The following EPB41L5 variants were observed in gnomAD, a reference collection of about 807,000 sequenced individuals.
EPB41L5 encodes the protein erythrocyte membrane protein band 4.1 like 5.
A neutral mutation model predicts 106.6 loss-of-function variants in EPB41L5; 55 were observed. That is an observed-to-expected ratio of 0.52 (90% confidence interval 0.42 to 0.65). EPB41L5 has a LOEUF of 0.65. Among genes scored for constraint, EPB41L5 ranks in the 30% least tolerant of loss-of-function variants. The pLI, the probability that EPB41L5 is intolerant of heterozygous loss-of-function variation, is 0.00. For missense variants in EPB41L5, 871 were observed against 882.1 expected, an observed-to-expected ratio of 0.99 and a Z score of 0.16; for synonymous variants, 297 against 306.7, an observed-to-expected ratio of 0.97 and a Z score of 0.33.
chr2:120,101,846 C>G (rs1417810558), intron 16 of EPB41L5, among the ~76,000 whole-genome samples: 1 of 152,106 alleles, frequency 6.6e-6, no homozygotes, highest in East Asian at 1.9e-4. Context: ...TTCCCTTCTC[C>G]CCTGGCCCCA....
chr2:120,094,814 A>G (rs189275055), intron 14 of EPB41L5, among the ~76,000 whole-genome samples: 1 of 152,130 alleles, frequency 6.6e-6, no homozygotes, highest in East Asian at 1.9e-4. Context: ...GACTTGTTTG[A>G]TTACTTAGGA....
chr2:120,019,290 ATTCTGTTTG>A, intron 2 of EPB41L5, 26 bp downstream of exon 2: 3 of 1,588,322 alleles, frequency 1.9e-6, no homozygotes, highest in Non-Finnish European at 1.7e-6. Context: ...TGAGCTCCAA[ATTCTGTTTG>A]CGATTACTGT....
chr2:120,165,752 G>C (rs1434636384), intron 22 of EPB41L5, among the ~76,000 whole-genome samples: 1 of 152,072 alleles, frequency 6.6e-6, no homozygotes, highest in East Asian at 1.9e-4. Flanking sequence ...CAGATCACTT[G>C]AGGTCAGGAG....
chr2:120,132,368 C>T (rs1685736430), intron 18 of EPB41L5, among the ~76,000 whole-genome samples: 1 of 151,946 alleles, frequency 6.6e-6, no homozygotes, highest in Admixed American at 6.5e-5. Context: ...TTTTTTTTCC[C>T]TCTACATACA....
At chr2:120,114,162 C>T (rs1403923561) in intron 16 of EPB41L5, among the ~76,000 whole-genome samples, 7 of 152,138 alleles carry the variant, frequency 4.6e-5, no homozygotes, top group Non-Finnish European at 8.8e-5. Flanking sequence ...TTATAGGCAT[C>T]CTAGTTGTGA....
intron 10 of EPB41L5, among the ~76,000 whole-genome samples, chr2:120,081,322 C>T (rs1469583994): frequency 2.6e-5 from 4 of 152,196 alleles, no homozygotes; most frequent in African/African-American, 9.7e-5. Context: ...CAGCTTTCTA[C>T]ATACGGCTAG....
chr2:120,135,286 C>T (rs1685874408), intron 18 of EPB41L5, among the ~76,000 whole-genome samples: 1 of 151,948 alleles, frequency 6.6e-6, no homozygotes, highest in African/African-American at 2.4e-5. Context: ...TGAAGCACTC[C>T]TAGAAGATCT....
At chr2:120,031,998 T>G (rs751801008) in intron 2 of EPB41L5, among the ~76,000 whole-genome samples, 6 of 152,094 alleles carry the variant, frequency 3.9e-5, no homozygotes, top group Non-Finnish European at 7.4e-5. Context: ...TTAAAGTTCA[T>G]TAGAGGCATA....
intron 2 of EPB41L5, among the ~76,000 whole-genome samples, chr2:120,038,338 A>G (rs1404470666): frequency 6.6e-6 from 1 of 152,232 alleles, no homozygotes; most frequent in Non-Finnish European, 1.5e-5. Flanking sequence ...ATTCATACCT[A>G]TCAAGTGGCT....
At chr2:120,115,069 T>C (rs1684887612) in intron 16 of EPB41L5, among the ~76,000 whole-genome samples, 1 of 152,230 alleles carries the variant, frequency 6.6e-6, no homozygotes, top group African/African-American at 2.4e-5. Flanking sequence ...TTGATGTTAG[T>C]ATAGCCACTT....
At chr2:120,053,296 G>A (rs1003863040) in intron 3 of EPB41L5, among the ~76,000 whole-genome samples, 2 of 152,008 alleles carry the variant, frequency 1.3e-5, no homozygotes, top group Non-Finnish European at 2.9e-5. Flanking sequence ...AGAAGGAGTT[G>A]GTTTTAGTTA....
intron 11 of EPB41L5, 65 bp from the exon 12 acceptor site, chr2:120,090,282 C>A: frequency 7.5e-7 from 1 of 1,341,170 alleles, no homozygotes; most frequent in Non-Finnish European, 1.0e-6. Context: ...GTTTGTATCT[C>A]AGAAATAGGA....
At chr2:120,017,610 T>C (rs1352706045) in intron 1 of EPB41L5, among the ~76,000 whole-genome samples, 1 of 152,214 alleles carries the variant, frequency 6.6e-6, no homozygotes, top group East Asian at 1.9e-4. Context: ...TAATGTTCTT[T>C]ATAGAGTTAA....
intron 2 of EPB41L5, among the ~76,000 whole-genome samples, chr2:120,028,230 G>A (rs1678473893): frequency 6.6e-6 from 1 of 151,470 alleles, no homozygotes; most frequent in South Asian, 2.1e-4. Flanking sequence ...TTCCACTCAA[G>A]ATTTTTTAGT....
At chr2:120,169,616 CCCTTCCCTTCT>C (rs1425432142) in intron 24 of EPB41L5, among the ~76,000 whole-genome samples, 4 of 152,168 alleles carry the variant, frequency 2.6e-5, no homozygotes, top group African/African-American at 9.7e-5. Flanking sequence ...CTCTCTCACC[CCCTTCCCTTCT>C]CCTTCCTCCG....
chr2:120,065,560 AGACTG>A (rs891887437), intron 3 of EPB41L5, among the ~76,000 whole-genome samples: 2 of 140,086 alleles, frequency 1.4e-5, no homozygotes, highest in Admixed American at 1.6e-4. Flanking sequence ...TCTGTCACCC[AGACTG>A]GAGTGCAGTG....
At chr2:120,093,518 C>T (rs561840704) in intron 14 of EPB41L5, among the ~76,000 whole-genome samples, 1 of 152,264 alleles carries the variant, frequency 6.6e-6, no homozygotes, top group South Asian at 2.1e-4. Flanking sequence ...GAATGACATA[C>T]CTTTGTTATT....
chr2:120,071,725 T>A (rs1681881711), intron 3 of EPB41L5, among the ~76,000 whole-genome samples: 1 of 152,206 alleles, frequency 6.6e-6, no homozygotes, highest in Non-Finnish European at 1.5e-5. Context: ...TGGCTAGCCA[T>A]ATGCAGAAAA....
In EPB41L5 at chr2:120,127,805, A is replaced by G. The variant is rs548927758; in HGVS notation, c.1455A>G (p.Val485=). The change falls in exon 17 of 25, where the codon GTA becomes GTG. Residue 485 remains valine (V), a synonymous_variant. Transcript: ENST00000263713. ...CCCAAGCACTGAATGACGTTAATGT[A>G]GCCACCAGGCTTCCGGGATTAGGGG... ...ETSQALNDVN[V]ATRLPGLGEP... 6.2e-7 allele frequency: 1 copy of G among 1,612,808 alleles called. No individual in the cohort carries two copies. Among genetic ancestry groups the G allele is most frequent in the South Asian group, 1.1e-5 (1 of 90,820 alleles).
Sources: gnomAD v4.1 joint callset for allele counts (sites outside exome capture counted in the v4.1 genomes callset) on GRCh38, gnomAD v4.1.1 for gene constraint, MANE v1.5 for transcripts, NCBI Gene and HGNC (gene_info 2026-07-23, HGNC 2026-07-21) for gene names.